The following MARK1 variants were observed in gnomAD, a reference collection of about 807,000 sequenced individuals.
The protein encoded by MARK1 is microtubule affinity regulating kinase 1.
MARK1 carries 40 observed loss-of-function variants against 96.3 expected under a neutral mutation model. The ratio of observed to expected loss-of-function variants is 0.42; its 90% CI spans 0.32 to 0.54. The LOEUF (loss-of-function observed/expected upper bound fraction) is 0.54. MARK1 is among the 20% of genes least tolerant of loss of function. The probability of loss-of-function intolerance (pLI) is 0.16; values close to 1 mark genes in which losing one functional copy is unlikely to be tolerated. For missense variants in MARK1, 719 were observed against 984.6 expected (o/e 0.73, Z 3.61); for synonymous variants, 317 against 341.2 (o/e 0.93, Z 0.78).
At chr1:220,627,645 C>G (rs1029578499) in intron 9 of MARK1, 1 of 180,398 alleles carries the variant, frequency 5.5e-6, no homozygotes, top group African/African-American at 2.4e-5. Context: ...GCTGCCTTGC[C>G]ACCCATCCTT....
chr1:220,638,728 G>A, intron 13 of MARK1, among the ~76,000 whole-genome samples: 1 of 152,024 alleles, frequency 6.6e-6, no homozygotes, highest in South Asian at 2.1e-4. Context: ...GAGAAATTCT[G>A]TTCTTAGCCA....
intron 1 of MARK1, among the ~76,000 whole-genome samples, chr1:220,537,239 T>TC (rs1274874841): frequency 1.4e-4 from 10 of 72,196 alleles, no homozygotes; most frequent in African/African-American, 5.9e-4. Context: ...CCCTCCCCCC[T>TC]CCCCCCACCC....
At chr1:220,642,166 G>A (rs534917345) in intron 13 of MARK1, among the ~76,000 whole-genome samples, 11 of 152,288 alleles carry the variant, frequency 7.2e-5, no homozygotes, top group South Asian at 4.1e-4. Context: ...TGGATCCCCC[G>A]CAAGCTAAGA....
chr1:220,563,084 C>T (rs1314297276), intron 1 of MARK1, among the ~76,000 whole-genome samples: 3 of 152,074 alleles, frequency 2.0e-5, no homozygotes, highest in Non-Finnish European at 4.4e-5. Context: ...ATTGCTTTGT[C>T]TACAAAATGT....
At chr1:220,560,737 T>G (rs933802965) in intron 1 of MARK1, among the ~76,000 whole-genome samples, 1 of 152,170 alleles carries the variant, frequency 6.6e-6, no homozygotes, top group Non-Finnish European at 1.5e-5. Context: ...CAATTTAAAA[T>G]GTATGAATTG....
chr1:220,608,925 T>C (rs1475604814), intron 6 of MARK1, among the ~76,000 whole-genome samples: 1 of 152,210 alleles, frequency 6.6e-6, no homozygotes, highest in Non-Finnish European at 1.5e-5. Context: ...GAGAGACAGT[T>C]TGTTGTGATT....
chr1:220,559,718 T>G (rs1662530095), intron 1 of MARK1, among the ~76,000 whole-genome samples: 1 of 152,206 alleles, frequency 6.6e-6, no homozygotes, highest in Non-Finnish European at 1.5e-5. Context: ...GCAGAGAATA[T>G]GGAGGCAGTG....
At chr1:220,545,155 CG>C (rs2102723888) in intron 1 of MARK1, among the ~76,000 whole-genome samples, 1 of 152,236 alleles carries the variant, frequency 6.6e-6, no homozygotes, top group African/African-American at 2.4e-5. Flanking sequence ...GGTGGGAAGA[CG>C]AGGGCATTCG....
chr1:220,607,868 G>A lies in MARK1; in HGVS notation c.495+3731G>A, dbSNP rs141644068. Among the ~76,000 whole-genome samples, 1,148 of 152,272 alleles carry A rather than the reference G, an allele frequency of 7.5e-3. 4 individuals are homozygous for A. Among genetic ancestry groups the A allele is most frequent in the Non-Finnish European group, 0.011 (738 of 68,024 alleles). On this transcript the variant is annotated intron_variant, in intron 6 of 17. Coordinates refer to ENST00000366917, the MANE Select transcript of MARK1 (RefSeq NM_018650.5). ...TGATGGATTACGTTTATTGATTTGCGTATATTGAACTGGCCTTGCATCCCA... is the reference window on the plus strand; with the variant it reads ...TGATGGATTACGTTTATTGATTTGCATATATTGAACTGGCCTTGCATCCCA...
intron 1 of MARK1, among the ~76,000 whole-genome samples, chr1:220,564,528 T>C (rs1662908516): frequency 6.6e-6 from 1 of 152,156 alleles, no homozygotes; most frequent in Non-Finnish European, 1.5e-5. Flanking sequence ...CTCTATATAT[T>C]ATCCAATTAG....
At chr1:220,655,724 C>T (rs1443882371) in intron 16 of MARK1, among the ~76,000 whole-genome samples, 2 of 152,166 alleles carry the variant, frequency 1.3e-5, no homozygotes, top group African/African-American at 2.4e-5. Flanking sequence ...TCCTCCTCTT[C>T]TGTTTCAGCA....
At chr1:220,653,373 G>A (rs753804891) in intron 16 of MARK1, 21 bp downstream of exon 16, 45 of 1,606,948 alleles carry the variant, frequency 2.8e-5, no homozygotes, top group Middle Eastern at 1.7e-4. Flanking sequence ...ATGTACTGTC[G>A]TGTTTTGATT....
At chr1:220,634,380 C>G (rs899170215) in intron 11 of MARK1, among the ~76,000 whole-genome samples, 4 of 152,154 alleles carry the variant, frequency 2.6e-5, no homozygotes, top group South Asian at 2.1e-4. Context: ...TTCACTGGAT[C>G]TAAGCACCCC....
chr1:220,613,508 G>T lies in MARK1; in HGVS notation c.496-2431G>T, dbSNP rs1666572118. On this transcript the variant is annotated intron_variant, in intron 6 of 17. Transcript: ENST00000366917. Reference sequence around the variant, plus strand: ...ATGTTTGGTAACCAAATTATTATCTGTTGCATACCTTCAGTGGCTCATACA... The same window carrying T: ...ATGTTTGGTAACCAAATTATTATCTTTTGCATACCTTCAGTGGCTCATACA... Among the ~76,000 whole-genome samples, 3 of 152,020 alleles carry T rather than the reference G, an allele frequency of 2.0e-5. No individual in the cohort carries two copies. In the South Asian group the frequency reaches 6.2e-4, roughly 32 times the overall value.
chr1:220,627,171 T>C, intron 9 of MARK1: 1 of 486,700 alleles, frequency 2.1e-6, no homozygotes, highest in Admixed American at 2.3e-5. Context: ...GATCTGTCCC[T>C]GAGGAGAGTG....
intron 1 of MARK1, among the ~76,000 whole-genome samples, chr1:220,553,976 C>CA (rs1212044324): frequency 6.6e-6 from 1 of 152,196 alleles, no homozygotes; most frequent in Admixed American, 6.5e-5. Context: ...GGCAGGCTTT[C>CA]AGATTAGCTG....
intron 5 of MARK1, among the ~76,000 whole-genome samples, chr1:220,603,164 A>G (rs897025455): frequency 3.3e-5 from 5 of 152,224 alleles, no homozygotes; most frequent in South Asian, 4.1e-4. Context: ...ATATACATGT[A>G]TATCTATCTG....
At chr1:220,565,959 G>T (rs989049289) in intron 1 of MARK1, among the ~76,000 whole-genome samples, 4 of 152,120 alleles carry the variant, frequency 2.6e-5, no homozygotes, top group African/African-American at 9.7e-5. Context: ...TGGGGAGGTA[G>T]CTCTAGTGAA....
At chr1:220,602,753 C>G (rs1382495628) in intron 5 of MARK1, among the ~76,000 whole-genome samples, 1 of 151,990 alleles carries the variant, frequency 6.6e-6, no homozygotes, top group Non-Finnish European at 1.5e-5. Flanking sequence ...AATATGCTGT[C>G]TAACATTGTA....
Sources: gnomAD v4.1 joint callset for allele counts (sites outside exome capture counted in the v4.1 genomes callset) on GRCh38, gnomAD v4.1.1 for gene constraint, MANE v1.5 for transcripts, NCBI Gene and HGNC (gene_info 2026-07-23, HGNC 2026-07-21) for gene names.